SUSD5: variants seen among roughly 807,000 people sequenced by gnomAD.
SUSD5 encodes the protein sushi domain containing 5, also known as sushi domain-containing protein 5.
SUSD5 carries 33 observed loss-of-function variants against 29.5 expected under a neutral mutation model. That is an observed-to-expected ratio of 1.12 (90% confidence interval 0.85 to 1.49). The LOEUF (loss-of-function observed/expected upper bound fraction) is 1.49. Among genes scored for constraint, SUSD5 ranks in the 40% most tolerant of loss-of-function variants. The pLI, the probability that SUSD5 is intolerant of heterozygous loss-of-function variation, is 0.00. For synonymous variants in SUSD5, 308 were observed against 325.3 expected, an observed-to-expected ratio of 0.95 and a Z score of 0.57; for missense variants, 776 against 800.6, an observed-to-expected ratio of 0.97 and a Z score of 0.37.
intron 4 of SUSD5, among the ~76,000 whole-genome samples, chr3:33,163,012 G>A (rs1172738194): frequency 3.3e-5 from 5 of 151,516 alleles, no homozygotes; most frequent in African/African-American, 4.8e-5. Flanking sequence ...TGACACAAGA[G>A]GAAATAGAAA....
intron 2 of SUSD5, among the ~76,000 whole-genome samples, chr3:33,212,345 A>G (rs1170485394): frequency 6.6e-6 from 1 of 152,242 alleles, no homozygotes; most frequent in East Asian, 1.9e-4. Flanking sequence ...AGCCTGAGCA[A>G]TAAGGCAAGA....
chr3:33,168,962 T>C (rs969572431), intron 4 of SUSD5, among the ~76,000 whole-genome samples: 4 of 152,076 alleles, frequency 2.6e-5, no homozygotes, highest in African/African-American at 9.7e-5. Context: ...ACATGCCTGG[T>C]TTTAAACCCC....
intron 4 of SUSD5, among the ~76,000 whole-genome samples, chr3:33,172,191 A>G (rs1191654845): frequency 3.1e-5 from 2 of 64,912 alleles, no homozygotes; most frequent in Non-Finnish European, 8.6e-5. Context: ...ACACACACAC[A>G]CACACACACA....
At chr3:33,180,871 A>G (rs2031656137) in intron 3 of SUSD5, among the ~76,000 whole-genome samples, 1 of 149,560 alleles carries the variant, frequency 6.7e-6, no homozygotes, top group African/African-American at 2.5e-5. Flanking sequence ...TTTTGTAGAC[A>G]TAGGGTCTTA....
At chr3:33,172,427 C>T (rs533005097) in intron 4 of SUSD5, among the ~76,000 whole-genome samples, 36 of 152,304 alleles carry the variant, frequency 2.4e-4, no homozygotes, top group African/African-American at 7.7e-4. Context: ...GCAAACAACC[C>T]ATTTGGCTGT....
rs148163795 is a variant in SUSD5 at position 33,197,482 on chromosome 3, A to G, written c.409+10326T>C. 3.5e-4 allele frequency among the ~76,000 whole-genome samples: 53 copies of G among 152,296 alleles called. No individual in the cohort carries two copies. In the South Asian group the frequency reaches 5.4e-3, roughly 15 times the overall value. On this transcript the variant is annotated intron_variant, in intron 3 of 4. Coordinates refer to ENST00000309558, the MANE Select transcript of SUSD5 (RefSeq NM_015551.2). Reference sequence around the variant, plus strand: ...GTGTTTTAAAGTATTATTTATATAAATAAAATTCATCAATTTTAAGTGTAC... The same window carrying G: ...GTGTTTTAAAGTATTATTTATATAAGTAAAATTCATCAATTTTAAGTGTAC...
intron 3 of SUSD5, among the ~76,000 whole-genome samples, chr3:33,203,812 C>T (rs1213734987): frequency 6.6e-6 from 1 of 152,184 alleles, no homozygotes; most frequent in African/African-American, 2.4e-5. Flanking sequence ...CTCCAACAGG[C>T]GCTCCCATGA....
Position 33,164,107 on chromosome 3 carries a change from G to A in SUSD5, c.599-10074C>T, listed in dbSNP as rs2031253570. On this transcript the variant is annotated intron_variant, in intron 4 of 4. Transcript: ENST00000309558. The stretch of plus-strand genomic sequence containing the variant: ...GAGAATCACTTGAACCCAGGAGGTG[G>A]AGGTTGCAGTGAGCCAAGATCTTGC... Among the ~76,000 whole-genome samples, 3 of 152,118 alleles carry A rather than the reference G, an allele frequency of 2.0e-5. No homozygotes were observed. The South Asian group carries it at 6.2e-4, about 32-fold the overall frequency.
chr3:33,176,936 C>T (rs148302549), intron 3 of SUSD5, among the ~76,000 whole-genome samples: 4 of 152,208 alleles, frequency 2.6e-5, no homozygotes, highest in Non-Finnish European at 4.4e-5. Context: ...GCTCTCTACT[C>T]TGATCCATTG....
In SUSD5 at chr3:33,185,549, T is replaced by G. The variant is rs559614673; in HGVS notation, c.410-10475A>C. Among the ~76,000 whole-genome samples the G allele has an allele frequency of 2.6e-5, 4 of 152,312 alleles. No homozygotes were observed. The South Asian group carries it at 8.3e-4, about 32-fold the overall frequency. On this transcript the variant is annotated intron_variant, in intron 3 of 4. Transcript: ENST00000309558. Reference sequence around the variant, plus strand: ...CTTAGGTAACTTGTGATTATCTGTTTTTACCTGTTTCTCCAATTCTAGGGA... The same window carrying G: ...CTTAGGTAACTTGTGATTATCTGTTGTTACCTGTTTCTCCAATTCTAGGGA...
chr3:33,206,769 G>A (rs953686608), intron 3 of SUSD5, among the ~76,000 whole-genome samples: 1 of 152,152 alleles, frequency 6.6e-6, no homozygotes, highest in African/African-American at 2.4e-5. Context: ...ATCATCAGGG[G>A]AGTTTGGGAA....
In SUSD5 at chr3:33,189,732, A is replaced by G. The variant is rs188854555; in HGVS notation, c.410-14658T>C. ...TTTAGATACAGGGAATTCTAATTAGATTGGCATAGTTAAGACCAAAAATAT... is the reference window on the plus strand; with the variant it reads ...TTTAGATACAGGGAATTCTAATTAGGTTGGCATAGTTAAGACCAAAAATAT... On this transcript the variant is annotated intron_variant, in intron 3 of 4. Transcript: ENST00000309558. Among the ~76,000 whole-genome samples, 252 of 152,286 alleles carry G rather than the reference A, an allele frequency of 1.7e-3. 1 individual carries two copies. The highest frequency in any genetic ancestry group is 6.8e-3 in the Middle Eastern group (2 of 294).
At chr3:33,192,647 A>C (rs1311860656) in intron 3 of SUSD5, among the ~76,000 whole-genome samples, 1 of 151,662 alleles carries the variant, frequency 6.6e-6, no homozygotes, top group African/African-American at 2.4e-5. Flanking sequence ...ATCTCTACTA[A>C]AAATATAAAA....
chr3:33,218,621 A>G, intron 1 of SUSD5, 65 bp downstream of exon 1: 3 of 1,224,310 alleles, frequency 2.5e-6, no homozygotes, highest in Non-Finnish European at 3.1e-6. Context: ...AGCCCCGGCG[A>G]GCTACGCCCT....
chr3:33,191,000 T>G (rs1378832269), intron 3 of SUSD5, among the ~76,000 whole-genome samples: 1 of 150,698 alleles, frequency 6.6e-6, no homozygotes, highest in Non-Finnish European at 1.5e-5. Flanking sequence ...CTTATATACC[T>G]TCTTCATAGA....
chr3:33,182,962 AT>A (rs34961184), intron 3 of SUSD5, among the ~76,000 whole-genome samples: 37,309 of 140,810 alleles, frequency 0.26, 4,944 homozygotes, highest in East Asian at 0.44. Flanking sequence ...AATTTTTTGT[AT>A]TTTTTTTTTT....
At chr3:33,168,156 A>T (rs796154786) in intron 4 of SUSD5, among the ~76,000 whole-genome samples, 4 of 152,354 alleles carry the variant, frequency 2.6e-5, no homozygotes, top group African/African-American at 9.6e-5. Flanking sequence ...GAGACAGGCC[A>T]GAGCCCAGTA....
At chr3:33,181,346 A>G (rs183184503) in intron 3 of SUSD5, among the ~76,000 whole-genome samples, 2,123 of 134,930 alleles carry the variant, frequency 0.016, 50 homozygotes, top group African/African-American at 0.056. Context: ...CAGATGTATC[A>G]TTTTCATCTT....
At chr3:33,166,809 C>A (rs562633359) in intron 4 of SUSD5, among the ~76,000 whole-genome samples, 130 of 152,276 alleles carry the variant, frequency 8.5e-4, no homozygotes, top group Non-Finnish European at 1.5e-3. Context: ...ATGAGAGAGG[C>A]AAAGAATGAT....
Sources: gnomAD v4.1 joint callset for allele counts (sites outside exome capture counted in the v4.1 genomes callset) on GRCh38, gnomAD v4.1.1 for gene constraint, MANE v1.5 for transcripts, NCBI Gene and HGNC (gene_info 2026-07-23, HGNC 2026-07-21) for gene names.